Variants in KNL1 observed in about 807,000 individuals in gnomAD.
KNL1 encodes outer kinetochore KNL1 complex subunit KNL1.
In KNL1, 66 loss-of-function variants were observed where a neutral mutation model predicts 201.3. The ratio of observed to expected loss-of-function variants is 0.33; its 90% confidence interval spans 0.27 to 0.40. KNL1 has a LOEUF of 0.40. Among genes scored for constraint, KNL1 ranks in the 10% least tolerant of loss-of-function variants. The pLI, the probability that KNL1 is intolerant of heterozygous loss-of-function variation, is 1.00. For synonymous variants in KNL1, 895 were observed against 899.2 expected, an observed-to-expected ratio of 1.00 and a Z score of 0.08; for missense variants, 2,815 against 2,690.5, an observed-to-expected ratio of 1.05 and a Z score of -1.02.
In KNL1 at chr15:40,624,841, C is replaced by T; in HGVS notation, c.4577C>T (p.Ser1526Leu). Residue 1526 changes from serine to leucine, a missense_variant, in exon 10 of 26, where the codon TCA (serine) becomes TTA (leucine). Transcript: ENST00000399668. Reference protein sequence around the residue: ...YNTALDFHSNSDVTKQVIQTH... With the variant: ...YNTALDFHSNLDVTKQVIQTH... ...ACAGCTCTAGATTTCCACAGTAACT[C>T]AGACGTAACTAAGCAAGTCATTCAA... 6.2e-7 allele frequency: 1 copy of T among 1,613,068 alleles called. No individual in the cohort carries two copies.
At chr15:40,660,969 A>AC (rs1893890721) in intron 25 of KNL1, among the ~76,000 whole-genome samples, 1 of 152,288 alleles carries the variant, frequency 6.6e-6, no homozygotes, top group South Asian at 2.1e-4. Context: ...TCAAAACAAA[A>AC]CAGAGTCTGT....
chr15:40,599,365 G>A (rs1303451516), intron 1 of KNL1, among the ~76,000 whole-genome samples: 1 of 149,082 alleles, frequency 6.7e-6, no homozygotes. Context: ...AACAGGAAAG[G>A]ATGTTAAAAT....
intron 2 of KNL1, 134 bp downstream of exon 2, chr15:40,603,100 TA>T: frequency 1.6e-5 from 9 of 570,314 alleles, no homozygotes; most frequent in African/African-American, 7.7e-5. Flanking sequence ...TTTTTTTTTT[TA>T]AATTATACTT....
At chr15:40,636,392 C>G (rs891681023) in intron 13 of KNL1, among the ~76,000 whole-genome samples, 1 of 152,184 alleles carries the variant, frequency 6.6e-6, no homozygotes, top group Non-Finnish European at 1.5e-5. Flanking sequence ...GGAATGTGGT[C>G]TTGTGCTTCA....
chr15:40,609,114 C>T (rs959974107), intron 5 of KNL1, among the ~76,000 whole-genome samples: 4 of 151,880 alleles, frequency 2.6e-5, no homozygotes, highest in Non-Finnish European at 5.9e-5. Context: ...TGTTATTTGA[C>T]ATTGTACTAG....
At chr15:40,614,834 A>C (rs1414992345) in intron 7 of KNL1, among the ~76,000 whole-genome samples, 1 of 152,208 alleles carries the variant, frequency 6.6e-6, no homozygotes, top group Non-Finnish European at 1.5e-5. Context: ...CAAGTTTTAG[A>C]AAAGGAATTG....
At chr15:40,660,575 G>T (rs1893879374) in intron 25 of KNL1, among the ~76,000 whole-genome samples, 1 of 143,362 alleles carries the variant, frequency 7.0e-6, no homozygotes, top group Non-Finnish European at 1.5e-5. Context: ...CTGAGGCAGA[G>T]AATTGCTTGA....
intron 17 of KNL1, among the ~76,000 whole-genome samples, chr15:40,647,861 C>T (rs1001524516): frequency 1.9e-4 from 29 of 152,308 alleles, no homozygotes; most frequent in African/African-American, 6.7e-4. Context: ...GTTGTTTTCT[C>T]CTGGCTGCTC....
chr15:40,632,752 G>T (rs959047056), intron 13 of KNL1, among the ~76,000 whole-genome samples: 3 of 152,140 alleles, frequency 2.0e-5, no homozygotes, highest in Non-Finnish European at 4.4e-5. Flanking sequence ...TGGCTTGGTA[G>T]CTCATGCCTG....
At position 40,646,167 on chromosome 15, in the gene KNL1, T is replaced by TA. The variant is rs547872415; in HGVS notation, c.6006+402dup. Among the ~76,000 whole-genome samples, 73 of 152,290 alleles carry TA rather than the reference T, an allele frequency of 4.8e-4. 1 individual carries two copies. Among genetic ancestry groups the TA allele is most frequent in the East Asian group, 2.9e-3 (15 of 5,190 alleles). On this transcript the variant is annotated intron_variant, in intron 16 of 25. Coordinates refer to ENST00000399668, the MANE Select transcript of KNL1 (RefSeq NM_144508.5). ...ATTAGCTTTTTTAAAAGGCTCTGCA[T>TA]AAAAAAACTTTCCATTGGCAAGTAA... is the stretch of plus-strand genomic sequence containing the variant.
intron 10 of KNL1, among the ~76,000 whole-genome samples, chr15:40,626,481 T>A (rs1892756904): frequency 6.6e-6 from 1 of 151,998 alleles, no homozygotes; most frequent in Non-Finnish European, 1.5e-5. Flanking sequence ...TGCATTCTAT[T>A]TTCGATAAAT....
chr15:40,627,536 C>T (rs1360823503), intron 10 of KNL1, among the ~76,000 whole-genome samples: 2 of 150,978 alleles, frequency 1.3e-5, no homozygotes, highest in African/African-American at 2.4e-5. Flanking sequence ...AAAAACTTAC[C>T]AAAAGCATGT....
intron 6 of KNL1, 113 bp downstream of exon 6, chr15:40,610,410 A>G (rs949243007): frequency 7.6e-6 from 5 of 656,616 alleles, no homozygotes; most frequent in Admixed American, 2.3e-5. Flanking sequence ...TAAAAAATAT[A>G]TGATGGGCCA....
chr15:40,625,414 C>G lies in KNL1; in HGVS notation c.5150C>G (p.Pro1717Arg). The G allele has an allele frequency of 6.2e-7, 1 of 1,613,782 alleles. No homozygotes were observed. The highest frequency in any genetic ancestry group is 1.1e-5 in the South Asian group (1 of 91,054). ...CAATATATAAATGAGGAAAATCTTCCTGTATATCCTGATGAGATCAATTCT... is the reference window on the plus strand; with the variant it reads ...CAATATATAAATGAGGAAAATCTTCGTGTATATCCTGATGAGATCAATTCT... ...PSQYINEENLPVYPDEINSSD... is the reference protein window; with the variant it reads ...PSQYINEENLRVYPDEINSSD... Residue 1717 changes from proline (P) to arginine (R), a missense_variant, in exon 10 of 26, where the codon CCT becomes CGT. Transcript: ENST00000399668.
rs780458163 is a variant in KNL1 at position 40,621,055 on chromosome 15, A to G, written c.791A>G (p.Asp264Gly). Residue 264 changes from aspartate (D) to glycine (G), a missense_variant, in exon 10 of 26, where the codon GAT becomes GGT. Asp to Gly is a moderately conservative substitution (Grantham distance 94). Transcript: ENST00000399668. ...THQMHVSLKE[D>G]ENNSNITRLF... Reference sequence around the variant, plus strand: ...CAAATGCATGTATCTCTTAAGGAAGATGAAAATAACAGTAATATTACTAGG... The same window carrying G: ...CAAATGCATGTATCTCTTAAGGAAGGTGAAAATAACAGTAATATTACTAGG... The G allele has an allele frequency of 5.0e-6, 8 of 1,611,116 alleles. No homozygotes were observed. The Admixed American group carries it at 1.4e-4, about 27-fold the overall frequency.
intron 1 of KNL1, among the ~76,000 whole-genome samples, chr15:40,599,312 C>CA (rs547293277): frequency 0.035 from 2,025 of 57,048 alleles, 62 homozygotes; most frequent in African/African-American, 0.11. Context: ...GATTCTGCCT[C>CA]AAAAAAAAAA....
intron 22 of KNL1, 93 bp downstream of exon 22, chr15:40,655,070 G>A (rs775551532): frequency 4.0e-4 from 375 of 932,332 alleles, no homozygotes; most frequent in Middle Eastern, 1.9e-3. Flanking sequence ...GGCTGAGGCG[G>A]GTGGATCACC....
Position 40,662,091 on chromosome 15 carries a change from C to A in KNL1, c.6854C>A (p.Thr2285Asn). ...CTTTCCAGCCAAGATGATATTGCTA[C>A]CATTCTATCTAAAGTGCCACTGGAG... ...VGNTSQDDIA[T>N]ILSKVPLENN... is the part of the protein sequence containing the mutation. Residue 2285 changes from threonine (T) to asparagine (N), a missense_variant, in exon 26 of 26, where the codon ACC becomes AAC. By Grantham distance (65) the Thr-to-Asn change is moderately conservative (BLOSUM62 0). Around this residue, in one of 3 missense-constraint regions of KNL1, gnomAD observed 334 missense variants for 362.6 expected, o/e 0.92. Coordinates refer to ENST00000399668, the MANE Select transcript of KNL1 (RefSeq NM_144508.5). 1 of 1,597,472 alleles carries A rather than the reference C, an allele frequency of 6.3e-7. No individual in the cohort carries two copies. Among genetic ancestry groups the A allele is most frequent in the Non-Finnish European group, 8.6e-7 (1 of 1,165,060 alleles).
At position 40,622,880 on chromosome 15, in the gene KNL1, G is replaced by C. The variant is rs189826194; in HGVS notation, c.2616G>C (p.Met872Ile). The C allele has an allele frequency of 1.8e-5, 29 of 1,611,662 alleles. No individual in the cohort carries two copies. The Admixed American group carries it at 2.8e-4, about 16-fold the overall frequency. ...IVFSEDDKND[M>I]DITKSYTIEI... The stretch of plus-strand genomic sequence containing the variant: ...TTTCAGAAGACGATAAGAATGATAT[G>C]GATATCACTAAGAGTTATACAATAG... Residue 872 changes from methionine (M) to isoleucine (I), a missense_variant, in exon 10 of 26, where the codon ATG (methionine) becomes ATC (isoleucine). This residue lies in a region of KNL1 where 2,464 missense variants were observed against 2,291.7 expected (regional missense o/e 1.08). Coordinates refer to ENST00000399668, the MANE Select transcript of KNL1 (RefSeq NM_144508.5).
Sources: allele counts gnomAD v4.1 joint callset (sites outside exome capture counted in the v4.1 genomes callset), GRCh38; gene constraint gnomAD v4.1.1; regional missense constraint gnomAD v4.1.1; transcripts MANE v1.5; gene names NCBI Gene and HGNC (gene_info 2026-07-23, HGNC 2026-07-21).